The following AGBL1 variants were observed in gnomAD, a reference collection of about 807,000 sequenced individuals.
The protein encoded by AGBL1 is AGBL carboxypeptidase 1, also known as cytosolic carboxypeptidase 4.
Under a neutral mutation model 118.9 loss-of-function variants are expected in AGBL1, and 130 were observed. The ratio of observed to expected loss-of-function variants is 1.09; its 90% CI spans 0.95 to 1.26. The LOEUF (loss-of-function observed/expected upper bound fraction) is 1.26. AGBL1 is among the 50% of genes most tolerant of loss of function. The probability of loss-of-function intolerance (pLI) is 0.00; values close to 1 mark genes in which losing one functional copy is unlikely to be tolerated. For missense variants in AGBL1, 1,584 were observed against 1,298.1 expected, an observed-to-expected ratio of 1.22 and a Z score of -3.38; for synonymous variants, 555 against 478.9, an observed-to-expected ratio of 1.16 and a Z score of -2.08.
intron 22 of AGBL1, among the ~76,000 whole-genome samples, chr15:86,733,311 C>A (rs914131639): frequency 6.6e-6 from 1 of 152,106 alleles, no homozygotes; most frequent in Non-Finnish European, 1.5e-5. Context: ...TTTTCTCTTC[C>A]TCTTCCTTTT....
intron 21 of AGBL1, among the ~76,000 whole-genome samples, chr15:86,585,220 G>C (rs2084228274): frequency 6.6e-6 from 1 of 152,020 alleles, no homozygotes; most frequent in Non-Finnish European, 1.5e-5. Context: ...CTCAGAACTG[G>C]AAGTTTTATT....
At chr15:86,549,808 TAGAAC>T (rs2083639371) in intron 20 of AGBL1, among the ~76,000 whole-genome samples, 1 of 140,950 alleles carries the variant, frequency 7.1e-6, no homozygotes, top group Non-Finnish European at 1.5e-5. Flanking sequence ...GATGGATAAT[TAGAAC>T]AGAAAGAAGG....
At chr15:86,123,966 G>A (rs1415207356) in intron 1 of AGBL1, among the ~76,000 whole-genome samples, 1 of 152,154 alleles carries the variant, frequency 6.6e-6, no homozygotes, top group Non-Finnish European at 1.5e-5. Context: ...GTAACTGGGT[G>A]GGATATTGGA....
intron 22 of AGBL1, among the ~76,000 whole-genome samples, chr15:86,739,443 C>CAAAAAAAAAAAAAAAAAAAAA (rs34530266): frequency 1.5e-5 from 1 of 66,636 alleles, no homozygotes; most frequent in South Asian, 7.9e-4. Context: ...AACTCCATCT[C>CAAAAAAAAAAAAAAAAAAAAA]AAAAAAAAAA....
intron 22 of AGBL1, among the ~76,000 whole-genome samples, chr15:86,810,495 C>T (rs1373572945): frequency 6.6e-6 from 1 of 151,992 alleles, no homozygotes; most frequent in Non-Finnish European, 1.5e-5. Context: ...TCTGAAAGGC[C>T]CCATTACTGA....
Position 86,601,047 on chromosome 15 carries a change from C to T in AGBL1, c.2994+46510C>T, listed in dbSNP as rs117434852. Among the ~76,000 whole-genome samples, 562 of 152,226 alleles carry T rather than the reference C, an allele frequency of 3.7e-3. 27 individuals carry two copies. The East Asian group carries it at 0.085, about 23-fold the overall frequency. ...AAACCCTCCTGGATATTAAAATACCCTAGGATTGGTGGTAACTGCAACCAT... is the reference window on the plus strand; with the variant it reads ...AAACCCTCCTGGATATTAAAATACCTTAGGATTGGTGGTAACTGCAACCAT... On this transcript the variant is annotated intron_variant, in intron 21 of 22. Transcript: ENST00000614907.
intron 17 of AGBL1, among the ~76,000 whole-genome samples, chr15:86,340,888 A>G (rs2080451778): frequency 6.6e-6 from 1 of 151,924 alleles, no homozygotes; most frequent in Non-Finnish European, 1.5e-5. Context: ...CATTGGTACC[A>G]CTCTGACTGG....
At chr15:86,897,797 A>T (rs1192777972) in intron 22 of AGBL1, among the ~76,000 whole-genome samples, 1 of 114,026 alleles carries the variant, frequency 8.8e-6, no homozygotes, top group East Asian at 2.4e-4. Flanking sequence ...TGAGACAGGG[A>T]ATCACTCTGT....
At chr15:86,564,586 G>C (rs912453595) in intron 21 of AGBL1, among the ~76,000 whole-genome samples, 7 of 152,176 alleles carry the variant, frequency 4.6e-5, no homozygotes, top group Non-Finnish European at 7.4e-5. Context: ...TTTCAACTTT[G>C]GTGAATCTGA....
chr15:86,950,050 G>C (rs72755651), intron 23 of AGBL1, among the ~76,000 whole-genome samples: 5,934 of 151,772 alleles, frequency 0.039, 158 homozygotes, highest in Middle Eastern at 0.073. Context: ...AGACAGGGGT[G>C]AAATAAATCA....
At chr15:86,636,061 T>A (rs2142451882) in intron 21 of AGBL1, among the ~76,000 whole-genome samples, 1 of 152,190 alleles carries the variant, frequency 6.6e-6, no homozygotes, top group South Asian at 2.1e-4. Flanking sequence ...CTAAATCATC[T>A]CCTCCTCAGT....
At position 86,264,582 on chromosome 15, in the gene AGBL1, G is replaced by C. The variant is rs2142034922; in HGVS notation, c.1411G>C (p.Asp471His). The part of the protein sequence containing the change: ...ASPKADAWDV[D>H]AIFCPRMSAS... ...CCCGAAAGCAGATGCCTGGGACGTA[G>C]ATGCAATTTTCTGCCCAAGGATGAG... The change falls in exon 11 of 23, where the codon GAT (aspartate) becomes CAT (histidine). Residue 471 changes from aspartate (D) to histidine (H), a missense_variant. Coordinates refer to ENST00000614907, the MANE Select transcript of AGBL1 (RefSeq NM_001386094.1). 1 of 1,613,938 alleles carries C rather than the reference G, an allele frequency of 6.2e-7. No homozygotes were observed. Among genetic ancestry groups the C allele is most frequent in the Non-Finnish European group, 8.5e-7 (1 of 1,179,868 alleles).
At chr15:86,736,104 C>G (rs1445893636) in intron 22 of AGBL1, among the ~76,000 whole-genome samples, 1 of 152,024 alleles carries the variant, frequency 6.6e-6, no homozygotes, top group Non-Finnish European at 1.5e-5. Flanking sequence ...TTTATTGGGC[C>G]AGGCATGGTG....
At chr15:86,546,444 T>C (rs187680145) in intron 20 of AGBL1, among the ~76,000 whole-genome samples, 108 of 152,232 alleles carry the variant, frequency 7.1e-4, no homozygotes, top group Non-Finnish European at 8.2e-4. Context: ...ATTATTCGAT[T>C]ATTAACTGTG....
chr15:86,185,342 G>C (rs1259803050), intron 5 of AGBL1, among the ~76,000 whole-genome samples: 3 of 152,320 alleles, frequency 2.0e-5, no homozygotes, highest in East Asian at 3.9e-4. Context: ...GTGGAAGATA[G>C]TGTGGTGATT....
chr15:86,182,613 C>T (rs62013762), intron 5 of AGBL1, among the ~76,000 whole-genome samples: 7,708 of 152,182 alleles, frequency 0.051, 351 homozygotes, highest in African/African-American at 0.12. Context: ...CAAGAAGTTA[C>T]CCCTTGAATA....
In AGBL1 at chr15:86,440,073, A is replaced by G. The variant is rs181277080; in HGVS notation, c.2555+42527A>G. Among the ~76,000 whole-genome samples, 6 of 152,344 alleles carry G rather than the reference A, an allele frequency of 3.9e-5. No homozygotes were observed. In the East Asian group the frequency reaches 1.2e-3, roughly 29 times the overall value. ...GAACTAATATAATAAAAGTTTATTG[A>G]CTAATTTTGCACCATAATTTGTGTT... On this transcript the variant is annotated intron_variant, in intron 18 of 22. Coordinates refer to ENST00000614907, the MANE Select transcript of AGBL1 (RefSeq NM_001386094.1).
intron 5 of AGBL1, among the ~76,000 whole-genome samples, chr15:86,222,291 C>A (rs1459993865): frequency 6.6e-6 from 1 of 152,178 alleles, no homozygotes; most frequent in Non-Finnish European, 1.5e-5. Context: ...TTCTGTTGTA[C>A]CCTTCATCTT....
At chr15:86,445,275 G>A (rs750685419) in intron 18 of AGBL1, among the ~76,000 whole-genome samples, 1 of 152,234 alleles carries the variant, frequency 6.6e-6, no homozygotes, top group East Asian at 1.9e-4. Context: ...CATAAAGTGT[G>A]TGAATGTGCG....
Sources: gnomAD v4.1 joint callset for allele counts (sites outside exome capture counted in the v4.1 genomes callset) on GRCh38, gnomAD v4.1.1 for gene constraint, MANE v1.5 for transcripts, NCBI Gene and HGNC (gene_info 2026-07-23, HGNC 2026-07-21) for gene names.